Variants in CD44 observed in about 807,000 individuals in gnomAD.
The protein encoded by CD44 is CD44 molecule (IN blood group), also known as CD44 antigen.
Under a neutral mutation model 88.8 loss-of-function variants are expected in CD44, and 49 were observed. That is an observed-to-expected ratio of 0.55 (90% CI 0.44 to 0.70). CD44 has a LOEUF of 0.70. Ranked by LOEUF, CD44 falls within the 30% of genes least tolerant of loss-of-function variation. The pLI is 0.00. For synonymous variants in CD44, 325 were observed against 312.3 expected, an observed-to-expected ratio of 1.04 and a Z score of -0.43; for missense variants, 883 against 913.8, an observed-to-expected ratio of 0.97 and a Z score of 0.43.
intron 1 of CD44, among the ~76,000 whole-genome samples, chr11:35,168,957 C>T (rs141213161): frequency 6.6e-6 from 1 of 152,328 alleles, no homozygotes; most frequent in African/African-American, 2.4e-5. Context: ...AAGTTGGTCT[C>T]TGAAACATTT....
chr11:35,176,241 A>G (rs1358739137), intron 1 of CD44, among the ~76,000 whole-genome samples: 1 of 151,476 alleles, frequency 6.6e-6, no homozygotes, highest in Admixed American at 6.6e-5. Context: ...ACGGGGTTTC[A>G]CCGTGTTAGC....
intron 1 of CD44, among the ~76,000 whole-genome samples, chr11:35,160,401 T>C (rs141922022): frequency 4.6e-5 from 7 of 152,330 alleles, no homozygotes; most frequent in African/African-American, 1.4e-4. Flanking sequence ...TTCTTTTGTG[T>C]TTTGCCAATT....
chr11:35,205,750 A>G, intron 10 of CD44: 1 of 984,262 alleles, frequency 1.0e-6, no homozygotes, highest in Non-Finnish European at 1.2e-6. Flanking sequence ...TCAGAATAAC[A>G]TCATGCACTC....
chr11:35,178,409 T>G (rs997513155), intron 2 of CD44, among the ~76,000 whole-genome samples: 1 of 152,186 alleles, frequency 6.6e-6, no homozygotes, highest in South Asian at 2.1e-4. Flanking sequence ...ATTTTATGGA[T>G]GAAGCAGCCG....
intron 1 of CD44, among the ~76,000 whole-genome samples, chr11:35,150,786 G>C (rs1289968376): frequency 6.6e-6 from 1 of 152,206 alleles, no homozygotes; most frequent in Non-Finnish European, 1.5e-5. Flanking sequence ...AGCCAGGAGA[G>C]CTTCTCCCTC....
chr11:35,164,325 A>G lies in CD44; in HGVS notation c.68-12250A>G, dbSNP rs116269669. 9.1e-3 allele frequency among the ~76,000 whole-genome samples: 1,381 copies of G among 152,312 alleles called. 16 individuals carry two copies. The highest frequency in any genetic ancestry group is 0.032 in the African/African-American group (1,330 of 41,552). ...TGCTGAGTGGATTGTACTCAGCCTC[A>G]CTTGTTGCATCTGTGAAATGGGGGT... On this transcript the variant is annotated intron_variant, in intron 1 of 17. Transcript: ENST00000428726.
chr11:35,149,751 C>T (rs1275948930), intron 1 of CD44, among the ~76,000 whole-genome samples: 4 of 152,160 alleles, frequency 2.6e-5, no homozygotes, highest in Non-Finnish European at 2.9e-5. Flanking sequence ...AAGAATAACA[C>T]AAAACCACCA....
intron 17 of CD44, among the ~76,000 whole-genome samples, chr11:35,225,689 T>C (rs1233049350): frequency 6.6e-6 from 1 of 151,950 alleles, no homozygotes; most frequent in Non-Finnish European, 1.5e-5. Flanking sequence ...TGGTGGCGGG[T>C]GCCTGTAATC....
intron 16 of CD44, among the ~76,000 whole-genome samples, chr11:35,220,498 G>T (rs992058667): frequency 6.6e-6 from 1 of 152,128 alleles, no homozygotes; most frequent in Non-Finnish European, 1.5e-5. Flanking sequence ...CAGATAATGA[G>T]ACTTTCCATG....
At position 35,229,398 on chromosome 11, in the gene CD44, C is replaced by A; in HGVS notation, c.*65C>A. On this transcript the variant is annotated 3_prime_UTR_variant, in exon 18 of 18. Coordinates refer to ENST00000428726, the MANE Select transcript of CD44 (RefSeq NM_000610.4). ...ACATAACCATTACAGGGAGCTGGGA[C>A]ACTTAACAGATGCAATGTGCTACTG... is the stretch of plus-strand genomic sequence containing the variant. 1.0e-6 allele frequency: 1 copy of A among 986,730 alleles called. No homozygotes were observed. The highest frequency in any genetic ancestry group is 1.6e-6 in the Non-Finnish European group (1 of 634,134). The allele number at this position is 986,730 out of a possible 1,614,324, so 61.1% of individuals were successfully genotyped here.
chr11:35,177,128 A>G (rs1459470027), intron 2 of CD44: 1 of 164,282 alleles, frequency 6.1e-6, no homozygotes, highest in African/African-American at 2.4e-5. Flanking sequence ...GGCCCTGCAG[A>G]CTTGGATCAA....
At chr11:35,203,049 A>G (rs561637407) in intron 9 of CD44, among the ~76,000 whole-genome samples, 1 of 152,314 alleles carries the variant, frequency 6.6e-6, no homozygotes, top group African/African-American at 2.4e-5. Flanking sequence ...ATTCAGACAG[A>G]ATGTAACTTG....
At chr11:35,194,107 G>A (rs888646797) in intron 5 of CD44, among the ~76,000 whole-genome samples, 3 of 152,266 alleles carry the variant, frequency 2.0e-5, no homozygotes, top group African/African-American at 2.4e-5. Context: ...TGGCTCAGTC[G>A]CCCAATCAAG....
intron 16 of CD44, among the ~76,000 whole-genome samples, chr11:35,219,978 G>A (rs770035572): frequency 7.2e-5 from 11 of 152,156 alleles, no homozygotes; most frequent in Non-Finnish European, 1.5e-4. Flanking sequence ...TCAAGACAAG[G>A]CATTTGTTGC....
At chr11:35,139,641 G>A (rs768732701) in intron 1 of CD44, 2 of 720,882 alleles carry the variant, frequency 2.8e-6, no homozygotes, top group Non-Finnish European at 5.1e-6. Flanking sequence ...GAGGTCGCTA[G>A]AGCTGCAGCA....
chr11:35,169,564 T>C (rs1289155296), intron 1 of CD44, among the ~76,000 whole-genome samples: 1 of 152,102 alleles, frequency 6.6e-6, no homozygotes, highest in East Asian at 1.9e-4. Flanking sequence ...CACTCACCTC[T>C]CAGGAAAGTT....
At chr11:35,222,389 G>T in intron 17 of CD44, 1 of 1,296,884 alleles carries the variant, frequency 7.7e-7, no homozygotes, top group Non-Finnish European at 1.0e-6. Flanking sequence ...AGAGATTCAG[G>T]TTATAGCATA....
chr11:35,190,012 C>G lies in CD44; in HGVS notation c.614C>G (p.Pro205Arg), dbSNP rs746243813. 1.6e-5 allele frequency: 26 copies of G among 1,614,212 alleles called. No homozygotes were observed. The highest frequency in any genetic ancestry group is 2.2e-5 in the Non-Finnish European group (26 of 1,180,028). ...ACCTTTTCTACTGTACACCCCATCC[C>G]AGACGAAGACAGTCCCTGGATCACC... ...FYTFSTVHPI[P>R]DEDSPWITDS... The change falls in exon 5 of 18, where the codon CCA becomes CGA. Residue 205 changes from proline to arginine, a missense_variant. Pro to Arg is a moderately radical substitution (Grantham distance 103). Transcript: ENST00000428726.
intron 1 of CD44, among the ~76,000 whole-genome samples, chr11:35,155,076 T>G (rs1354460386): frequency 2.6e-5 from 4 of 152,178 alleles, no homozygotes; most frequent in African/African-American, 9.7e-5. Context: ...ACATCTCTTC[T>G]AAAATTGGAG....
Sources: gnomAD v4.1 joint callset for allele counts (sites outside exome capture counted in the v4.1 genomes callset) on GRCh38, gnomAD v4.1.1 for gene constraint, MANE v1.5 for transcripts, NCBI Gene and HGNC (gene_info 2026-07-23, HGNC 2026-07-21) for gene names.